The following KCTD2 variants were observed in gnomAD, a reference collection of about 807,000 sequenced individuals.
KCTD2 encodes the protein potassium channel tetramerization domain containing 2, also known as BTB/POZ domain-containing protein KCTD2.
KCTD2 carries 18 observed loss-of-function variants against 27.9 expected under a neutral mutation model. That is an observed-to-expected ratio of 0.64 (90% CI 0.45 to 0.96). The LOEUF (loss-of-function observed/expected upper bound fraction) is 0.96. Among genes scored for constraint, KCTD2 ranks in the 40% least tolerant of loss-of-function variants. The probability of loss-of-function intolerance (pLI) is 0.00; values close to 1 mark genes in which losing one functional copy is unlikely to be tolerated. For missense variants in KCTD2, 280 were observed against 348.0 expected, an observed-to-expected ratio of 0.80 and a Z score of 1.56; for synonymous variants, 175 against 148.4, an observed-to-expected ratio of 1.18 and a Z score of -1.30.
chr17:75,041,018 T>G (rs1324065968), intron 3 of KCTD2: 3 of 151,696 alleles, frequency 2.0e-5, no homozygotes, highest in South Asian at 4.2e-4. Flanking sequence ...TGTGTAAATA[T>G]CAGAGGAGGA....
chr17:75,038,821 G>T, intron 3 of KCTD2: 1 of 1,289,672 alleles, frequency 7.8e-7, no homozygotes, highest in Non-Finnish European at 1.1e-6. Flanking sequence ...TCAGAAGAGA[G>T]GCTTAATTAT....
chr17:75,063,020 T>C lies in KCTD2; in HGVS notation c.765T>C (p.Ile255=). 1 of 1,613,994 alleles carries C rather than the reference T, an allele frequency of 6.2e-7. No individual in the cohort carries two copies. The highest frequency in any genetic ancestry group is 8.5e-7 in the Non-Finnish European group (1 of 1,179,988). The change falls in exon 6 of 6, where the codon ATT becomes ATC. Residue 255 remains isoleucine, a splice_region_variant and synonymous_variant. Transcript: ENST00000322444. ...TCTCCCCCATCTCCAACTTTCAGAT[T>C]CTTCAGGAGAGAGGATCGCGGATGT... ...IVIEPSEKAK[I]LQERGSRM
At chr17:75,041,231 T>G (rs1341472827) in intron 3 of KCTD2, 2 of 151,268 alleles carry the variant, frequency 1.3e-5, no homozygotes, top group Non-Finnish European at 2.9e-5. Context: ...ATGGTGGTGC[T>G]GTGGTCCCAG....
At position 75,059,609 on chromosome 17, in the gene KCTD2, C is replaced by A; in HGVS notation, c.636+4C>A. ...CGACGGCTGGAAATTCGAACAGGTA[C>A]ATCTCTTAACAGAGCAGCAATCCCA... On this transcript the variant is annotated splice_donor_region_variant and intron_variant, in intron 4 of 5. Coordinates refer to ENST00000322444, the MANE Select transcript of KCTD2 (RefSeq NM_015353.3). The A allele has an allele frequency of 2.5e-6, 4 of 1,610,078 alleles. No individual in the cohort carries two copies. The highest frequency in any genetic ancestry group is 2.5e-6 in the Non-Finnish European group (3 of 1,176,570).
chr17:75,042,498 G>A (rs1567987766), upstream of KCTD2: 2 of 1,599,890 alleles, frequency 1.3e-6, no homozygotes, highest in African/African-American at 1.3e-5. Flanking sequence ...TCAGTGGCAA[G>A]TATGGGGTTC....
At chr17:75,059,816 T>C (rs2073385445) in intron 4 of KCTD2, among the ~76,000 whole-genome samples, 1 of 152,186 alleles carries the variant, frequency 6.6e-6, no homozygotes, top group Non-Finnish European at 1.5e-5. Context: ...CATCATGTCT[T>C]AGCTTCACAC....
chr17:75,053,070 G>A lies in KCTD2; in HGVS notation c.505G>A (p.Glu169Lys). Reference protein sequence around the residue: ...NIASLVRLVKERIRDNENRTS... With the variant: ...NIASLVRLVKKRIRDNENRTS... ...CGCGTCCCTTGTGCGGCTGGTTAAGGAAAGGATACGGGACAATGAGAACAG... is the reference window on the plus strand; with the variant it reads ...CGCGTCCCTTGTGCGGCTGGTTAAGAAAAGGATACGGGACAATGAGAACAG... Residue 169 changes from glutamate to lysine, a missense_variant, in exon 3 of 6, where the codon GAA becomes AAA. Transcript: ENST00000322444. 1 of 1,614,068 alleles carries A rather than the reference G, an allele frequency of 6.2e-7. No individual in the cohort carries two copies. The highest frequency in any genetic ancestry group is 8.5e-7 in the Non-Finnish European group (1 of 1,179,964).
chr17:75,048,528 A>G (rs2073252061), intron 1 of KCTD2, among the ~76,000 whole-genome samples: 1 of 152,236 alleles, frequency 6.6e-6, no homozygotes, highest in Admixed American at 6.5e-5. Context: ...CTAACTTTAA[A>G]GAGATTTCAA....
Position 75,053,020 on chromosome 17 carries a change from T to G in KCTD2, c.455T>G (p.Leu152Arg). The G allele has an allele frequency of 6.2e-7, 1 of 1,614,096 alleles. No homozygotes were observed. The highest frequency in any genetic ancestry group is 8.5e-7 in the Non-Finnish European group (1 of 1,179,906). The change falls in exon 3 of 6, where the codon CTG (leucine) becomes CGG (arginine). Residue 152 changes from leucine (L) to arginine (R), a missense_variant. Physicochemically the swap from Leu to Arg is moderately radical, Grantham distance 102. Coordinates refer to ENST00000322444, the MANE Select transcript of KCTD2 (RefSeq NM_015353.3). ...AGTTTTGTCCTTGTTCCAGGTGTGCTGGAGGAAGCGGAGTTTTACAACATC... is the reference window on the plus strand; with the variant it reads ...AGTTTTGTCCTTGTTCCAGGTGTGCGGGAGGAAGCGGAGTTTTACAACATC... ...ITKELAEEGVLEEAEFYNIAS... is the reference protein window; with the variant it reads ...ITKELAEEGVREEAEFYNIAS...
chr17:75,056,781 G>A (rs1191076989), intron 3 of KCTD2, among the ~76,000 whole-genome samples: 1 of 151,902 alleles, frequency 6.6e-6, no homozygotes, highest in Non-Finnish European at 1.5e-5. Context: ...TTTTTTGTGT[G>A]TGGATTTTCA....
upstream of KCTD2, among the ~76,000 whole-genome samples, chr17:75,046,505 C>T (rs185511189): frequency 1.7e-3 from 260 of 152,366 alleles, 1 homozygote; most frequent in African/African-American, 5.8e-3. Context: ...CCGAGGAGCC[C>T]TGAACGCTCT....
chr17:75,034,566 C>T (rs1270395188), intron 2 of KCTD2, among the ~76,000 whole-genome samples: 1 of 152,176 alleles, frequency 6.6e-6, no homozygotes, highest in Non-Finnish European at 1.5e-5. Context: ...CCAAACACGG[C>T]CCTGCTGTGG....
At chr17:75,051,274 G>A (rs773359299) in intron 2 of KCTD2, among the ~76,000 whole-genome samples, 2 of 127,818 alleles carry the variant, frequency 1.6e-5, no homozygotes, top group African/African-American at 3.0e-5. Context: ...CACCGCGCCC[G>A]ACCTTTTTTT....
intron 4 of KCTD2, among the ~76,000 whole-genome samples, chr17:75,060,093 G>A (rs937498133): frequency 3.3e-5 from 5 of 152,078 alleles, no homozygotes; most frequent in African/African-American, 7.2e-5. Context: ...ACTTCTCTCC[G>A]CCTCGTGCTT....
chr17:75,048,583 C>G (rs764313640), intron 1 of KCTD2, among the ~76,000 whole-genome samples: 8 of 152,200 alleles, frequency 5.3e-5, no homozygotes, highest in Non-Finnish European at 1.0e-4. Flanking sequence ...TCTATATCCT[C>G]CTTGTGGTAA....
At chr17:75,037,954 CAGG>C (rs1353827781) in intron 3 of KCTD2, among the ~76,000 whole-genome samples, 2 of 151,870 alleles carry the variant, frequency 1.3e-5, no homozygotes, top group African/African-American at 4.8e-5. Context: ...GAGGCTAAGG[CAGG>C]AGAATGGCAT....
At chr17:75,035,182 G>A (rs987081381) in intron 2 of KCTD2, 3 of 152,054 alleles carry the variant, frequency 2.0e-5, no homozygotes, top group Admixed American at 6.5e-5. Context: ...TCCCTTCGTG[G>A]TCGGAACGTT....
At chr17:75,034,608 G>A (rs2040097354) in intron 2 of KCTD2, among the ~76,000 whole-genome samples, 1 of 152,152 alleles carries the variant, frequency 6.6e-6, no homozygotes, top group Non-Finnish European at 1.5e-5. Context: ...GAAGCCATGG[G>A]GACGACAGGA....
At chr17:75,035,240 A>ACGCCTCCCAATCCCTCCACAC (rs1266443607) in exon 3 of KCTD2, 1 of 151,804 alleles carries the variant, frequency 6.6e-6, no homozygotes, top group Admixed American at 6.6e-5. Context: ...AGACCCAGAA[A>ACGCCTCCCAATCCCTCCACAC]CGCCTCCCAA....
Sources: allele counts gnomAD v4.1 joint callset (sites outside exome capture counted in the v4.1 genomes callset), GRCh38; gene constraint gnomAD v4.1.1; transcripts MANE v1.5; gene names NCBI Gene and HGNC (gene_info 2026-07-23, HGNC 2026-07-21).